Variants in UGT1A7 observed in about 807,000 individuals in gnomAD.
UGT1A7 encodes the protein UDP-glucuronosyltransferase 1A7.
Under a neutral mutation model 45.6 loss-of-function variants are expected in UGT1A7, and 33 were observed. The ratio of observed to expected loss-of-function variants is 0.72; its 90% CI spans 0.55 to 0.97. The LOEUF (loss-of-function observed/expected upper bound fraction) is 0.97, where lower values mean the gene tolerates loss of function less well. Among genes scored for constraint, UGT1A7 ranks in the 50% least tolerant of loss-of-function variants. The probability of loss-of-function intolerance (pLI) is 0.00; values close to 1 mark genes in which losing one functional copy is unlikely to be tolerated. For missense variants in UGT1A7, 684 were observed against 666.2 expected (o/e 1.03, Z -0.29); for synonymous variants, 274 against 250.6 (o/e 1.09, Z -0.88).
At chr2:233,730,970 C>A (rs1362150933) in intron 1 of UGT1A7, among the ~76,000 whole-genome samples, 1 of 152,154 alleles carries the variant, frequency 6.6e-6, no homozygotes. Context: ...ACTCTGGGAC[C>A]TGAATATTGT....
At chr2:233,748,216 G>A in intron 1 of UGT1A7, 1 of 1,478,190 alleles carries the variant, frequency 6.8e-7, no homozygotes, top group South Asian at 1.3e-5. Flanking sequence ...CCTTCAGTGA[G>A]ATAAACTGTT....
chr2:233,720,054 T>A (rs1306889696), intron 1 of UGT1A7, among the ~76,000 whole-genome samples: 1 of 152,204 alleles, frequency 6.6e-6, no homozygotes, highest in African/African-American at 2.4e-5. Context: ...TGAACGGTGA[T>A]GCAACAGTAA....
At chr2:233,739,325 C>T (rs894619424) in intron 1 of UGT1A7, among the ~76,000 whole-genome samples, 5 of 152,154 alleles carry the variant, frequency 3.3e-5, no homozygotes, top group African/African-American at 1.2e-4. Flanking sequence ...GAGAAGAAGG[C>T]CACAGTCCTT....
chr2:233,751,619 A>G (rs765633655), intron 1 of UGT1A7, among the ~76,000 whole-genome samples: 10 of 152,142 alleles, frequency 6.6e-5, no homozygotes, highest in Non-Finnish European at 1.3e-4. Flanking sequence ...AGGTGATTGG[A>G]TCATGTGTGC....
At chr2:233,697,949 A>G (rs2075419607) in intron 1 of UGT1A7, among the ~76,000 whole-genome samples, 1 of 152,244 alleles carries the variant, frequency 6.6e-6, no homozygotes, top group Non-Finnish European at 1.5e-5. Flanking sequence ...AGTAAATGAA[A>G]GCTATTTATT....
intron 1 of UGT1A7, among the ~76,000 whole-genome samples, chr2:233,731,515 A>G (rs1195217483): frequency 5.9e-5 from 9 of 152,018 alleles, no homozygotes; most frequent in Non-Finnish European, 2.9e-5. Flanking sequence ...GTTCCCACCT[A>G]TGAGTGAGAA....
chr2:233,770,514 C>T (rs191930447), intron 4 of UGT1A7: 1 of 152,136 alleles, frequency 6.6e-6, no homozygotes, highest in Non-Finnish European at 1.5e-5. Flanking sequence ...AAAAATTACC[C>T]AGGCATGGTG....
intron 1 of UGT1A7, among the ~76,000 whole-genome samples, chr2:233,694,758 G>A (rs1012611114): frequency 6.6e-6 from 1 of 152,184 alleles, no homozygotes; most frequent in Non-Finnish European, 1.5e-5. Context: ...TAGCCACTGT[G>A]AAAAGGCAAG....
At chr2:233,729,676 G>A in intron 1 of UGT1A7, 1 of 1,613,778 alleles carries the variant, frequency 6.2e-7, no homozygotes, top group African/African-American at 1.3e-5. Context: ...AGACTTTAAG[G>A]GCACACAGTG....
At chr2:233,726,090 G>A (rs962783366) in intron 1 of UGT1A7, among the ~76,000 whole-genome samples, 6 of 152,132 alleles carry the variant, frequency 3.9e-5, no homozygotes, top group African/African-American at 1.4e-4. Context: ...TACTTGATCC[G>A]AGGAGGTGGA....
intron 1 of UGT1A7, among the ~76,000 whole-genome samples, chr2:233,709,209 C>T (rs2076065092): frequency 6.6e-6 from 1 of 152,114 alleles, no homozygotes. Flanking sequence ...ACCAGAAGTA[C>T]ATTTGAGAGT....
At chr2:233,731,342 T>C (rs749214489) in intron 1 of UGT1A7, among the ~76,000 whole-genome samples, 10 of 152,040 alleles carry the variant, frequency 6.6e-5, no homozygotes, top group Non-Finnish European at 1.2e-4. Context: ...AATTGCAGGT[T>C]TGATACATAG....
chr2:233,748,927 T>C (rs1694062254), intron 1 of UGT1A7, among the ~76,000 whole-genome samples: 1 of 151,536 alleles, frequency 6.6e-6, no homozygotes, highest in Admixed American at 6.6e-5. Flanking sequence ...AAGCTGAACA[T>C]ATCACCAAAC....
At chr2:233,704,499 C>T (rs143604503) in intron 1 of UGT1A7, among the ~76,000 whole-genome samples, 159 of 151,990 alleles carry the variant, frequency 1.0e-3, no homozygotes, top group Middle Eastern at 3.4e-3. Context: ...TATTGTTATA[C>T]GTGGTACATC....
intron 1 of UGT1A7, among the ~76,000 whole-genome samples, chr2:233,757,535 A>AATATATATACATATATATATAT (rs376887521): frequency 4.4e-4 from 39 of 88,152 alleles, no homozygotes; most frequent in African/African-American, 6.0e-4. Flanking sequence ...GCCTGTAAGG[A>AATATATATACATATATATATAT]ATATATATAT....
chr2:233,743,792 G>A (rs775660405), intron 1 of UGT1A7: 16 of 1,367,176 alleles, frequency 1.2e-5, no homozygotes, highest in East Asian at 4.6e-5. Context: ...TCTCCTCTCC[G>A]CTTCCTCCTT....
chr2:233,741,893 G>A (rs1575644502), intron 1 of UGT1A7: 1 of 151,848 alleles, frequency 6.6e-6, no homozygotes. Context: ...TAGAAGAAGG[G>A]ACCCTTTGTG....
At chr2:233,757,107 C>A (rs999241800) in intron 1 of UGT1A7, among the ~76,000 whole-genome samples, 3 of 150,946 alleles carry the variant, frequency 2.0e-5, no homozygotes, top group African/African-American at 7.3e-5. Flanking sequence ...AGGGGGCAAG[C>A]AGAAGGGCTA....
intron 1 of UGT1A7, chr2:233,693,828 G>A: frequency 6.2e-7 from 1 of 1,614,144 alleles, no homozygotes; most frequent in Non-Finnish European, 8.5e-7. Context: ...GTCTTCATTG[G>A]AGGTATCAAC....
Sources: gnomAD v4.1 joint callset for allele counts (sites outside exome capture counted in the v4.1 genomes callset) on GRCh38, gnomAD v4.1.1 for gene constraint, MANE v1.5 for transcripts, NCBI Gene and HGNC (gene_info 2026-07-23, HGNC 2026-07-21) for gene names.